Variants in TMEM59 observed in about 807,000 individuals in gnomAD.
TMEM59 encodes the protein transmembrane protein 59, also known as dendritic cell factor 1.
In TMEM59, 44 loss-of-function variants were observed where a neutral mutation model predicts 42.2. The observed-to-expected ratio is 1.04, with a 90% CI of 0.82 to 1.34. The LOEUF (loss-of-function observed/expected upper bound fraction) is 1.34. TMEM59 is among the 40% of genes most tolerant of loss of function. The pLI is 0.00. For synonymous variants in TMEM59, 148 were observed against 145.8 expected (o/e 1.02, Z -0.11); for missense variants, 359 against 382.8 (o/e 0.94, Z 0.52).
rs1294806221 is a variant in TMEM59, at chr1:54,045,923, T to C, written c.296-137A>G. On this transcript the variant is annotated intron_variant, in intron 2 of 7. Coordinates refer to ENST00000234831, the MANE Select transcript of TMEM59 (RefSeq NM_004872.5). ...ATGTGAATTTCCAAATTTGGTAATATAGTAGTAGGAAATGTATCTTTAACA... is the reference window on the plus strand; with the variant it reads ...ATGTGAATTTCCAAATTTGGTAATACAGTAGTAGGAAATGTATCTTTAACA... 18 of 659,136 alleles carry C rather than the reference T, an allele frequency of 2.7e-5. No homozygotes were observed. The East Asian group carries it at 2.8e-4, about 10-fold the overall frequency. The allele number at this position is 659,136 out of a possible 1,614,324, so 40.8% of individuals were successfully genotyped here.
At chr1:54,032,857 A>G (rs987574208) in intron 7 of TMEM59, among the ~76,000 whole-genome samples, 7 of 152,214 alleles carry the variant, frequency 4.6e-5, no homozygotes, top group African/African-American at 1.7e-4. Context: ...TCATTGGAGA[A>G]TAATAGTAAT....
intron 3 of TMEM59, 67 bp from the exon 4 acceptor site, chr1:54,043,592 A>G: frequency 1.8e-6 from 2 of 1,095,002 alleles, no homozygotes; most frequent in South Asian, 6.0e-5. Context: ...GAACAATATA[A>G]TCAAGATTAC....
chr1:54,029,146 A>C lies in TMEM59; in HGVS notation c.*3004T>G, dbSNP rs912929090. ...GCTGGAAGATAAGCTCAGACAGTGC[A>C]GGGTTTTCTGCTGATCAGCAGCTCA... On this transcript the variant is annotated 3_prime_UTR_variant, in exon 8 of 8. Coordinates refer to ENST00000234831, the MANE Select transcript of TMEM59 (RefSeq NM_004872.5). 2 of 152,240 alleles carry C rather than the reference A, an allele frequency of 1.3e-5. No homozygotes were observed. Among genetic ancestry groups the C allele is most frequent in the Admixed American group, 6.5e-5 (1 of 15,282 alleles). The allele number at this position is 152,240 out of a possible 1,614,324, so 9.4% of individuals were successfully genotyped here.
At chr1:54,049,735 T>C (rs1657465456) in intron 1 of TMEM59, among the ~76,000 whole-genome samples, 1 of 152,118 alleles carries the variant, frequency 6.6e-6, no homozygotes, top group Admixed American at 6.6e-5. Flanking sequence ...TCCCGACACT[T>C]TGGGAGGTCA....
chr1:54,035,861 G>A (rs1261414396), intron 7 of TMEM59, among the ~76,000 whole-genome samples: 1 of 152,152 alleles, frequency 6.6e-6, no homozygotes, highest in African/African-American at 2.4e-5. Context: ...TGATCCTCCT[G>A]CCTAGGCTTC....
At position 54,036,679 on chromosome 1, in the gene TMEM59, C is replaced by T. The variant is rs765774185; in HGVS notation, c.747G>A (p.Ser249=). ...GWILTTTLVL[S]VMVLLWICCA... ...AACAAATCCAAAGCAATACCATCAC[C>T]GAGAGGACAAGAGTTGTAGTTAAAA... The change falls in exon 7 of 8, where the codon TCG becomes TCA. Residue 249 remains serine, a synonymous_variant. Coordinates refer to ENST00000234831, the MANE Select transcript of TMEM59 (RefSeq NM_004872.5). 2.5e-6 allele frequency: 4 copies of T among 1,609,826 alleles called. No individual in the cohort carries two copies. In the South Asian group the frequency reaches 4.4e-5, roughly 18 times the overall value.
chr1:54,050,611 T>C (rs1273229060), intron 1 of TMEM59, among the ~76,000 whole-genome samples: 1 of 151,266 alleles, frequency 6.6e-6, no homozygotes, highest in Non-Finnish European at 1.5e-5. Flanking sequence ...TCGCCCAGGC[T>C]GGAGTGCGGT....
chr1:54,045,811 A>G (rs1352670277), intron 2 of TMEM59, 25 bp from the exon 3 acceptor site: 2 of 1,575,070 alleles, frequency 1.3e-6, no homozygotes, highest in Non-Finnish European at 8.7e-7. Flanking sequence ...TAGTCAAATT[A>G]CAAGAAACAA....
rs1389987767 is a variant in TMEM59, at chr1:54,032,089, A to C, written c.*61T>G. On this transcript the variant is annotated 3_prime_UTR_variant, in exon 8 of 8. Transcript: ENST00000234831. Reference sequence around the variant, plus strand: ...CCTATATCCAATGAAACCATTTTAAAAGCTCTATGAGGAGTGGAATTTTAG... The same window carrying C: ...CCTATATCCAATGAAACCATTTTAACAGCTCTATGAGGAGTGGAATTTTAG... The C allele has an allele frequency of 8.2e-6, 12 of 1,460,782 alleles. No individual in the cohort carries two copies. The Admixed American group carries it at 1.6e-4, about 19-fold the overall frequency. 90.5% of individuals were successfully genotyped at this position (1,460,782 alleles called of 1,614,324 possible).
intron 7 of TMEM59, among the ~76,000 whole-genome samples, chr1:54,032,707 A>C (rs145165694): frequency 2.4e-4 from 36 of 152,370 alleles, no homozygotes; most frequent in Admixed American, 6.5e-4. Flanking sequence ...CTGCGAGAAC[A>C]AAGAATATGC....
rs918574557 is a variant in TMEM59 at position 54,031,849 on chromosome 1, GAGA to G, written c.*298_*300del. On this transcript the variant is annotated 3_prime_UTR_variant, in exon 8 of 8. Transcript: ENST00000234831. ...AACTGACAGTATCATGGCAGGAGGT[GAGA>G]AGGAGCAATGATCAGCTCATAGCTA... 2.0e-5 allele frequency: 4 copies of G among 195,624 alleles called. No homozygotes were observed. Among genetic ancestry groups the G allele is most frequent in the African/African-American group, 9.3e-5 (4 of 43,110 alleles). 12.1% of individuals were successfully genotyped at this position (195,624 alleles called of 1,614,324 possible).
Position 54,053,043 on chromosome 1 carries a change from T to C in TMEM59, c.146A>G (p.His49Arg). The stretch of plus-strand genomic sequence containing the variant: ...GGGGTAGGTCAACTGACAGGCCCGG[T>C]GGCAAGACGCCGTATCACCCAAGAC... Reference protein sequence around the residue: ...DSVLGDTASCHRACQLTYPLH... With the variant: ...DSVLGDTASCRRACQLTYPLH... Residue 49 changes from histidine to arginine, a missense_variant, in exon 1 of 8, where the codon CAC becomes CGC. Coordinates refer to ENST00000234831, the MANE Select transcript of TMEM59 (RefSeq NM_004872.5). The C allele has an allele frequency of 6.2e-7, 1 of 1,614,130 alleles. No individual in the cohort carries two copies. The highest frequency in any genetic ancestry group is 8.5e-7 in the Non-Finnish European group (1 of 1,180,006).
chr1:54,041,843 TC>T (rs763310672), intron 4 of TMEM59, 38 bp from the exon 5 acceptor site: 171 of 1,536,400 alleles, frequency 1.1e-4, no homozygotes, highest in Non-Finnish European at 1.5e-4. Context: ...CATTTGTACT[TC>T]TTTAGCTTTT....
Position 54,026,683 on chromosome 1 carries a change from A to G in TMEM59, c.*5467T>C, listed in dbSNP as rs1461434429. On this transcript the variant is annotated 3_prime_UTR_variant, in exon 8 of 8. Transcript: ENST00000234831. Reference sequence around the variant, plus strand: ...GTAGACACTTTTACAAGATAGCATTATTTTTTAATGCAGATGATCCAAGTT... The same window carrying G: ...GTAGACACTTTTACAAGATAGCATTGTTTTTTAATGCAGATGATCCAAGTT... The G allele has an allele frequency of 6.6e-6, 1 of 152,360 alleles. No homozygotes were observed. The highest frequency in any genetic ancestry group is 2.4e-5 in the African/African-American group (1 of 41,588). 9.4% of individuals were successfully genotyped at this position (152,360 alleles called of 1,614,324 possible).
intron 1 of TMEM59, among the ~76,000 whole-genome samples, chr1:54,052,339 T>A (rs1281956578): frequency 6.6e-6 from 1 of 152,154 alleles, no homozygotes; most frequent in South Asian, 2.1e-4. Context: ...CTTCACCCAC[T>A]CCACGAATTC....
At chr1:54,050,868 T>A (rs1569973143) in intron 1 of TMEM59, among the ~76,000 whole-genome samples, 1 of 147,972 alleles carries the variant, frequency 6.8e-6, no homozygotes, top group African/African-American at 2.5e-5. Flanking sequence ...GGCATTTTTT[T>A]ATTTTTATTT....
chr1:54,035,822 C>T (rs1193869585), intron 7 of TMEM59, among the ~76,000 whole-genome samples: 2 of 152,254 alleles, frequency 1.3e-5, no homozygotes, highest in East Asian at 1.9e-4. Context: ...TCATGTTGCC[C>T]AGGCTGGTCT....
chr1:54,041,261 T>C (rs974565601), intron 5 of TMEM59, among the ~76,000 whole-genome samples: 16 of 152,238 alleles, frequency 1.1e-4, no homozygotes, highest in African/African-American at 1.7e-4. Flanking sequence ...TGATGTTTTA[T>C]GTTCTTATAA....
rs892961875 is a variant in TMEM59 at position 54,047,430 on chromosome 1, G to A, written c.190-58C>T. 32 of 1,391,280 alleles carry A rather than the reference G, an allele frequency of 2.3e-5. No homozygotes were observed. The African/African-American group carries it at 3.8e-4, about 16-fold the overall frequency. 86.2% of individuals were successfully genotyped at this position (1,391,280 alleles called of 1,614,324 possible). On this transcript the variant is annotated intron_variant, in intron 1 of 7. Coordinates refer to ENST00000234831, the MANE Select transcript of TMEM59 (RefSeq NM_004872.5). ...AAAATAGTATTTTTTTTTCCTCAGG[G>A]GAAAACAGGTTAGGAAGAAAGCAGT...
Sources: gnomAD v4.1 joint callset for allele counts (sites outside exome capture counted in the v4.1 genomes callset) on GRCh38, gnomAD v4.1.1 for gene constraint, MANE v1.5 for transcripts, NCBI Gene and HGNC (gene_info 2026-07-23, HGNC 2026-07-21) for gene names.